CGNL1: variants seen among roughly 807,000 people sequenced by gnomAD.
The protein encoded by CGNL1 is cingulin-like protein 1.
Under a neutral mutation model 141.2 loss-of-function variants are expected in CGNL1, and 132 were observed. The observed-to-expected ratio is 0.93, with a 90% CI of 0.81 to 1.08. CGNL1 has a LOEUF of 1.08. CGNL1 is among the 50% of genes least tolerant of loss of function. CGNL1 has a pLI of 0.00. For synonymous variants in CGNL1, 690 were observed against 622.1 expected (o/e 1.11, Z -1.63); for missense variants, 1,870 against 1,588.6 (o/e 1.18, Z -3.01).
At chr15:57,517,934 GT>G (rs74898417) in intron 9 of CGNL1, among the ~76,000 whole-genome samples, 9 of 151,922 alleles carry the variant, frequency 5.9e-5, no homozygotes, top group African/African-American at 1.9e-4. Flanking sequence ...AACTGTGTGT[GT>G]GGGGGTCCAT....
intron 8 of CGNL1, among the ~76,000 whole-genome samples, chr15:57,464,379 T>TAAAG (rs2063483311): frequency 6.6e-6 from 1 of 152,086 alleles, no homozygotes; most frequent in African/African-American, 2.4e-5. Context: ...AATTACAAAA[T>TAAAG]AAATAAAGAA....
chr15:57,491,856 CCCT>C (rs144437154), intron 8 of CGNL1, among the ~76,000 whole-genome samples: 1 of 152,076 alleles, frequency 6.6e-6, no homozygotes, highest in Non-Finnish European at 1.5e-5. Flanking sequence ...GGACCAACTC[CCCT>C]CCTCCTCCTC....
chr15:57,534,140 A>G (rs2032117118), intron 14 of CGNL1, among the ~76,000 whole-genome samples: 1 of 152,208 alleles, frequency 6.6e-6, no homozygotes, highest in South Asian at 2.1e-4. Context: ...ACTTTCCCCC[A>G]ATTCTCTCCC....
At chr15:57,429,488 G>C (rs1024161914) in intron 1 of CGNL1, among the ~76,000 whole-genome samples, 1 of 152,212 alleles carries the variant, frequency 6.6e-6, no homozygotes, top group African/African-American at 2.4e-5. Flanking sequence ...CTTAGGCTTC[G>C]TAGAGGAAAC....
intron 1 of CGNL1, among the ~76,000 whole-genome samples, chr15:57,386,883 C>G (rs774759124): frequency 5.8e-4 from 89 of 152,224 alleles, no homozygotes; most frequent in East Asian, 1.9e-4. Context: ...GATTTAGGAG[C>G]TGAAAAAGGA....
intron 5 of CGNL1, 134 bp from the exon 6 acceptor site, chr15:57,452,007 A>G: frequency 1.4e-6 from 1 of 696,898 alleles, no homozygotes; most frequent in Non-Finnish European, 2.3e-6. Context: ...CCTGTGCCTT[A>G]ATTATATAGT....
At chr15:57,508,702 C>A (rs1410423701) in intron 8 of CGNL1, among the ~76,000 whole-genome samples, 3 of 152,200 alleles carry the variant, frequency 2.0e-5, no homozygotes, top group African/African-American at 7.2e-5. Flanking sequence ...CAGCTCAAAT[C>A]TCTGCAGAAA....
At chr15:57,539,072 TC>T (rs1376227887) in intron 14 of CGNL1, among the ~76,000 whole-genome samples, 1 of 152,088 alleles carries the variant, frequency 6.6e-6, no homozygotes, top group Non-Finnish European at 1.5e-5. Flanking sequence ...TCTTGGTGTT[TC>T]CCCTCTGGGT....
rs147935615 is a variant in CGNL1, at chr15:57,491,589, A to G, written c.2404-25191A>G. On this transcript the variant is annotated intron_variant, in intron 8 of 18. Transcript: ENST00000281282. ...TATGTTTCCTGAATCCACTACATGT[A>G]CCACTTTTTGCTTTGAGTCCCTGTA... 3.9e-3 allele frequency among the ~76,000 whole-genome samples: 594 copies of G among 152,332 alleles called. 3 individuals are homozygous for G. The highest frequency in any genetic ancestry group is 0.013 in the African/African-American group (560 of 41,576).
At chr15:57,378,366 T>G (rs1418555893) in intron 1 of CGNL1, among the ~76,000 whole-genome samples, 2 of 23,756 alleles carry the variant, frequency 8.4e-5, no homozygotes, top group East Asian at 2.1e-3. Flanking sequence ...TCTATGTGTT[T>G]TTTTTTTTTT....
chr15:57,440,581 C>A, intron 3 of CGNL1, 110 bp downstream of exon 3: 2 of 817,678 alleles, frequency 2.4e-6, no homozygotes, highest in Non-Finnish European at 4.0e-6. Flanking sequence ...CTGTGCCAGC[C>A]GTTGGAGGGT....
At position 57,535,559 on chromosome 15, in the gene CGNL1, A is replaced by G. The variant is rs187479780; in HGVS notation, c.3291+3780A>G. Among the ~76,000 whole-genome samples the G allele has an allele frequency of 5.9e-5, 9 of 152,320 alleles. No individual in the cohort carries two copies. The East Asian group carries it at 1.7e-3, about 29-fold the overall frequency. On this transcript the variant is annotated intron_variant, in intron 14 of 18. Coordinates refer to ENST00000281282, the MANE Select transcript of CGNL1 (RefSeq NM_032866.5). The stretch of plus-strand genomic sequence containing the variant: ...AGGAATGGTGTGAACAAAGACTGGG[A>G]GGTAGGGACCTATACAGCATTTTGA...
chr15:57,450,023 G>A (rs11636693), intron 4 of CGNL1, among the ~76,000 whole-genome samples: 33,950 of 152,096 alleles, frequency 0.22, 3,884 homozygotes, highest in Middle Eastern at 0.26. Context: ...AAACGTTCAC[G>A]TACAGGTTTT....
At chr15:57,500,793 T>C (rs2064013259) in intron 8 of CGNL1, among the ~76,000 whole-genome samples, 1 of 152,150 alleles carries the variant, frequency 6.6e-6, no homozygotes, top group African/African-American at 2.4e-5. Context: ...CAGCATCCTA[T>C]GAATGAATGA....
intron 1 of CGNL1, among the ~76,000 whole-genome samples, chr15:57,425,671 A>G (rs1260579990): frequency 1.3e-5 from 2 of 149,820 alleles, no homozygotes; most frequent in Non-Finnish European, 3.0e-5. Flanking sequence ...AACCTGGGAG[A>G]TAGAGATTGC....
chr15:57,456,976 T>C (rs1429658467), intron 7 of CGNL1, among the ~76,000 whole-genome samples: 2 of 152,240 alleles, frequency 1.3e-5, no homozygotes, highest in Non-Finnish European at 2.9e-5. Flanking sequence ...TTTGTAATGA[T>C]ATTATTGAAC....
rs1204356493 is a variant in CGNL1, at chr15:57,438,573, T to C, written c.574T>C (p.Phe192Leu). ...CAACAATAAGAAGCCTTGGACTTGC[T>C]TTCCCAAACCTAGCAATTCCCAGCC... ...GINNKKPWTCFPKPSNSQPTS... is the reference protein window; with the variant it reads ...GINNKKPWTCLPKPSNSQPTS... Residue 192 changes from phenylalanine to leucine, a missense_variant, in exon 2 of 19, where the codon TTT becomes CTT. Physicochemically the swap from Phe to Leu is conservative, Grantham distance 22. Coordinates refer to ENST00000281282, the MANE Select transcript of CGNL1 (RefSeq NM_032866.5). 4 of 1,613,624 alleles carry C rather than the reference T, an allele frequency of 2.5e-6. No individual in the cohort carries two copies. In the African/African-American group the frequency reaches 5.3e-5, roughly 22 times the overall value.
chr15:57,440,577 C>A, intron 3 of CGNL1, 106 bp downstream of exon 3: 1 of 858,310 alleles, frequency 1.2e-6, no homozygotes, highest in Non-Finnish European at 1.9e-6. Flanking sequence ...TGCCCTGTGC[C>A]AGCCGTTGGA....
chr15:57,541,213 G>C (rs1005976391), intron 14 of CGNL1, among the ~76,000 whole-genome samples: 1 of 152,232 alleles, frequency 6.6e-6, no homozygotes, highest in African/African-American at 2.4e-5. Flanking sequence ...TTAGGCCACT[G>C]CTGTTTTTCT....
Sources: allele counts gnomAD v4.1 joint callset (sites outside exome capture counted in the v4.1 genomes callset), GRCh38; gene constraint gnomAD v4.1.1; transcripts MANE v1.5; gene names NCBI Gene and HGNC (gene_info 2026-07-23, HGNC 2026-07-21).